ZFHX3: variants seen among roughly 807,000 people sequenced by gnomAD.
The protein encoded by ZFHX3 is zinc finger homeobox protein 3.
Under a neutral mutation model 279.1 loss-of-function variants are expected in ZFHX3, and 42 were observed. That is an observed-to-expected ratio of 0.15 (90% confidence interval 0.12 to 0.19). ZFHX3 has a LOEUF of 0.19. Among genes scored for constraint, ZFHX3 ranks in the 10% least tolerant of loss-of-function variants. ZFHX3 has a pLI of 1.00. For missense variants in ZFHX3, 4,981 were observed against 4,754.0 expected, an observed-to-expected ratio of 1.05 and a Z score of -1.40; for synonymous variants, 2,293 against 1,957.8, an observed-to-expected ratio of 1.17 and a Z score of -4.52.
At chr16:73,840,195 A>G (rs1961265986) in intron 1 of ZFHX3, among the ~76,000 whole-genome samples, 1 of 152,128 alleles carries the variant, frequency 6.6e-6, no homozygotes, top group Non-Finnish European at 1.5e-5. Context: ...AGGGGTGAGG[A>G]TGAACGTAGC....
chr16:73,307,066 C>G (rs2084792811), intron 4 of ZFHX3, among the ~76,000 whole-genome samples: 1 of 152,170 alleles, frequency 6.6e-6, no homozygotes, highest in Admixed American at 6.5e-5. Flanking sequence ...TGACAAATGC[C>G]TTTTTGGATG....
At chr16:73,744,427 T>A (rs1220723392) in intron 1 of ZFHX3, among the ~76,000 whole-genome samples, 1 of 152,170 alleles carries the variant, frequency 6.6e-6, no homozygotes, top group Non-Finnish European at 1.5e-5. Context: ...AAGTGGAGCT[T>A]TCAATTATCT....
intron 2 of ZFHX3, among the ~76,000 whole-genome samples, chr16:73,630,205 T>G (rs2052455011): frequency 6.6e-6 from 1 of 152,204 alleles, no homozygotes; most frequent in African/African-American, 2.4e-5. Context: ...AGTTTGCATT[T>G]AACAAGAAAA....
In ZFHX3 at chr16:73,026,192, C is replaced by CAAAAAAAAAAAAAAAAAA. The variant is rs60146795; in HGVS notation, c.-50+21542_-50+21559dup. On this transcript the variant is annotated intron_variant, in intron 1 of 9. Coordinates refer to ENST00000268489, the MANE Select transcript of ZFHX3 (RefSeq NM_006885.4). ...CAAAACCCCATCTCTACAAAAAATA[C>CAAAAAAAAAAAAAAAAAA]AAAAAAAAAAAAAAAAAAAAAAAAA... Among the ~76,000 whole-genome samples, 2 of 47,486 alleles carry CAAAAAAAAAAAAAAAAAA rather than the reference C, an allele frequency of 4.2e-5. 1 individual carries two copies. Among genetic ancestry groups the CAAAAAAAAAAAAAAAAAA allele is most frequent in the Non-Finnish European group, 7.4e-5 (2 of 26,898 alleles). 31.2% of individuals were successfully genotyped at this position (47,486 alleles called of 152,430 possible).
At chr16:73,382,162 C>T (rs6564139) in intron 3 of ZFHX3, among the ~76,000 whole-genome samples, 150,629 of 152,354 alleles carry the variant, frequency 0.99, 74,519 homozygotes, top group Middle Eastern at 1. Flanking sequence ...AAATGTAAAA[C>T]ATAAACCTCT....
At chr16:73,017,542 C>G (rs1464042393) in intron 1 of ZFHX3, among the ~76,000 whole-genome samples, 1 of 152,200 alleles carries the variant, frequency 6.6e-6, no homozygotes, top group African/African-American at 2.4e-5. Context: ...CCACCAATGT[C>G]TTGGCTGCCG....
chr16:72,887,220 G>A (rs913858464), intron 4 of ZFHX3, among the ~76,000 whole-genome samples: 1 of 152,142 alleles, frequency 6.6e-6, no homozygotes, highest in Non-Finnish European at 1.5e-5. Flanking sequence ...AGGGGCTTAG[G>A]AGGGACGCCT....
chr16:73,625,904 C>T (rs1052043054), intron 2 of ZFHX3, among the ~76,000 whole-genome samples: 1 of 152,192 alleles, frequency 6.6e-6, no homozygotes, highest in Admixed American at 6.5e-5. Flanking sequence ...GTTGCCCAGG[C>T]TGGAGTTCAG....
chr16:73,098,953 A>G (rs1467671420), intron 7 of ZFHX3: 4 of 152,226 alleles, frequency 2.6e-5, no homozygotes, highest in African/African-American at 4.8e-5. Context: ...ACAAATTAAG[A>G]AACAGAATCA....
chr16:73,174,651 A>C (rs77576604), intron 5 of ZFHX3, among the ~76,000 whole-genome samples: 22,017 of 151,826 alleles, frequency 0.15, 1,707 homozygotes, highest in South Asian at 0.17. Context: ...ATGCCTTCTA[A>C]ATGGTCCCCA....
chr16:73,728,561 C>G (rs758344214), intron 1 of ZFHX3, among the ~76,000 whole-genome samples: 1 of 152,132 alleles, frequency 6.6e-6, no homozygotes, highest in Non-Finnish European at 1.5e-5. Flanking sequence ...GCAACTCAGT[C>G]TCCTATACGA....
intron 3 of ZFHX3, among the ~76,000 whole-genome samples, chr16:72,905,390 G>A (rs2039143657): frequency 6.6e-6 from 1 of 152,110 alleles, no homozygotes; most frequent in Non-Finnish European, 1.5e-5. Context: ...CCCAGCCAGA[G>A]GACAACTGAG....
intron 1 of ZFHX3, among the ~76,000 whole-genome samples, chr16:72,982,165 G>A (rs964822305): frequency 1.3e-5 from 2 of 151,964 alleles, no homozygotes; most frequent in Admixed American, 6.5e-5. Context: ...TTACAGGAGT[G>A]AGCCACAGCG....
chr16:72,889,703 G>A (rs2038722454), intron 4 of ZFHX3, 28 bp downstream of exon 4: 2 of 1,605,484 alleles, frequency 1.2e-6, no homozygotes, highest in Admixed American at 3.4e-5. Flanking sequence ...GCCCAACCTG[G>A]GCCTCCCATG....
chr16:73,398,362 G>C (rs16971926), intron 3 of ZFHX3, among the ~76,000 whole-genome samples: 2,476 of 152,324 alleles, frequency 0.016, 75 homozygotes, highest in African/African-American at 0.056. Flanking sequence ...CTTCTCACCA[G>C]TGTCTAGGAT....
intron 5 of ZFHX3, among the ~76,000 whole-genome samples, chr16:73,174,047 G>A (rs1488479036): frequency 6.6e-6 from 1 of 152,208 alleles, no homozygotes; most frequent in South Asian, 2.1e-4. Flanking sequence ...CCAAGTGTGT[G>A]AGCGTCCTCA....
chr16:72,894,148 CAAAAA>C (rs11340955), intron 3 of ZFHX3, among the ~76,000 whole-genome samples: 1 of 124,814 alleles, frequency 8.0e-6, no homozygotes. Context: ...AACTCTGTCT[CAAAAA>C]AAAAAAAAAA....
At chr16:73,310,202 C>G (rs781734987) in intron 4 of ZFHX3, among the ~76,000 whole-genome samples, 1 of 151,512 alleles carries the variant, frequency 6.6e-6, no homozygotes, top group African/African-American at 2.4e-5. Flanking sequence ...CCACTGCACC[C>G]GGTCTGCTTT....
At chr16:73,156,196 C>A (rs1204794293) in intron 5 of ZFHX3, among the ~76,000 whole-genome samples, 3 of 141,204 alleles carry the variant, frequency 2.1e-5, no homozygotes, top group African/African-American at 7.9e-5. Flanking sequence ...CGCACCACTG[C>A]ACTCCAGCCT....
Sources: allele counts gnomAD v4.1 joint callset (sites outside exome capture counted in the v4.1 genomes callset), GRCh38; gene constraint gnomAD v4.1.1; transcripts MANE v1.5; gene names NCBI Gene and HGNC (gene_info 2026-07-23, HGNC 2026-07-21).